LDLRAD1: variants seen among roughly 807,000 people sequenced by gnomAD.
The protein encoded by LDLRAD1 is low-density lipoprotein receptor class A domain-containing protein 1.
A neutral mutation model predicts 24.8 loss-of-function variants in LDLRAD1; 17 were observed. The observed-to-expected ratio is 0.69, with a 90% CI of 0.47 to 1.03. LDLRAD1 has a LOEUF of 1.03. Among genes scored for constraint, LDLRAD1 ranks in the 50% least tolerant of loss-of-function variants. The pLI, the probability that LDLRAD1 is intolerant of heterozygous loss-of-function variation, is 0.00. For synonymous variants in LDLRAD1, 103 were observed against 108.2 expected, an observed-to-expected ratio of 0.95 and a Z score of 0.30; for missense variants, 277 against 271.0, an observed-to-expected ratio of 1.02 and a Z score of -0.16.
chr1:54,018,004 TACCTGGGGACAGCTCTC>T (rs1009383362), intron 1 of LDLRAD1, 71 bp downstream of exon 1: 10 of 1,217,454 alleles, frequency 8.2e-6, no homozygotes, highest in Non-Finnish European at 1.1e-5. Context: ...AGACAACTCT[TACCTGGGGACAGCTCTC>T]ACCTGGGGAC....
chr1:54,017,363 T>C lies in LDLRAD1; in HGVS notation c.73+13A>G. ...CCCACAGGGCACTGGCCCCAGGCCC[T>C]CCAGTTCTTTACCTTCCCCTCCAGG... On this transcript the variant is annotated intron_variant, in intron 2 of 5. Coordinates refer to ENST00000371360, the MANE Select transcript of LDLRAD1 (RefSeq NM_001010978.4). 3 of 1,593,470 alleles carry C rather than the reference T, an allele frequency of 1.9e-6. No homozygotes were observed. Among genetic ancestry groups the C allele is most frequent in the Non-Finnish European group, 2.6e-6 (3 of 1,168,768 alleles).
At chr1:54,009,420 T>A (rs1283194428) in intron 5 of LDLRAD1, among the ~76,000 whole-genome samples, 5 of 152,134 alleles carry the variant, frequency 3.3e-5, no homozygotes, top group Non-Finnish European at 5.9e-5. Context: ...GACTGCAATA[T>A]GAATGGGTGC....
chr1:54,014,372 G>T lies in LDLRAD1; in HGVS notation c.74-8C>A, dbSNP rs1031915450. 2.1e-5 allele frequency: 33 copies of T among 1,540,418 alleles called. No homozygotes were observed. In the African/African-American group the frequency reaches 2.2e-4, roughly 10 times the overall value. On this transcript the variant is annotated splice_region_variant and splice_polypyrimidine_tract_variant and intron_variant, in intron 2 of 5. Transcript: ENST00000371360. ...AGAGGTGGCCGCCGCCTGCTGTGTGGGGGGGAAACAAGCCCGGGGGTGGTG... is the reference window on the plus strand; with the variant it reads ...AGAGGTGGCCGCCGCCTGCTGTGTGTGGGGGAAACAAGCCCGGGGGTGGTG...
In LDLRAD1 at chr1:54,013,128, G is replaced by A. The variant is rs574323941; in HGVS notation, c.203-848C>T. ...GACACACACAGATGCACACACACAT[G>A]AACACATGCTCACACACACACTGCT... On this transcript the variant is annotated intron_variant, in intron 3 of 5. Coordinates refer to ENST00000371360, the MANE Select transcript of LDLRAD1 (RefSeq NM_001010978.4). 2.0e-5 allele frequency among the ~76,000 whole-genome samples: 3 copies of A among 152,138 alleles called. No individual in the cohort carries two copies. In the South Asian group the frequency reaches 6.2e-4, roughly 32 times the overall value.
intron 2 of LDLRAD1, among the ~76,000 whole-genome samples, chr1:54,016,953 G>T (rs937240696): frequency 6.6e-5 from 10 of 152,200 alleles, no homozygotes; most frequent in Admixed American, 4.6e-4. Flanking sequence ...ATTTTCAGAA[G>T]GGTAAAGAGG....
At chr1:54,014,495 T>A in intron 2 of LDLRAD1, 131 bp from the exon 3 acceptor site, 1 of 861,728 alleles carries the variant, frequency 1.2e-6, no homozygotes, top group Non-Finnish European at 1.8e-6. Flanking sequence ...CAGGGATGGC[T>A]TCCCTGGAGG....
intron 5 of LDLRAD1, among the ~76,000 whole-genome samples, chr1:54,009,663 G>C (rs1655965094): frequency 6.6e-6 from 1 of 152,164 alleles, no homozygotes; most frequent in Non-Finnish European, 1.5e-5. Context: ...GAGTCCTGGG[G>C]GTAGGACACA....
In LDLRAD1 at chr1:54,008,557, AT is replaced by A. The variant is rs539546345; in HGVS notation, c.*424del. On this transcript the variant is annotated 3_prime_UTR_variant, in exon 6 of 6. Coordinates refer to ENST00000371360, the MANE Select transcript of LDLRAD1 (RefSeq NM_001010978.4). ...TTTGTTTGTGTTTGTGTTTTGTTTC[AT>A]TTTTTTTTTGAGACAGGGTCTCACT... 76 of 152,604 alleles carry A rather than the reference AT, an allele frequency of 5.0e-4. No individual in the cohort carries two copies. Among genetic ancestry groups the A allele is most frequent in the Middle Eastern group, 3.1e-3 (1 of 326 alleles). The allele number at this position is 152,604 out of a possible 1,614,324, so 9.5% of individuals were successfully genotyped here.
intron 4 of LDLRAD1, among the ~76,000 whole-genome samples, chr1:54,011,219 T>C (rs2100247641): frequency 1.3e-5 from 2 of 152,230 alleles, no homozygotes; most frequent in Middle Eastern, 6.8e-3. Flanking sequence ...TTCAAATCCA[T>C]GCAGCACCAC....
At chr1:54,010,580 G>T (rs185597274) in intron 4 of LDLRAD1, among the ~76,000 whole-genome samples, 170 bp from the exon 5 acceptor site, 26 of 152,076 alleles carry the variant, frequency 1.7e-4, no homozygotes, top group Admixed American at 3.3e-4. Flanking sequence ...GGAGTCAGAG[G>T]GAGAGGAGAG....
intron 3 of LDLRAD1, 92 bp from the exon 4 acceptor site, chr1:54,012,372 G>A: frequency 7.1e-7 from 1 of 1,411,530 alleles, no homozygotes; most frequent in Non-Finnish European, 9.9e-7. Flanking sequence ...GCTGGCCTGA[G>A]GGGCTGGGGC....
intron 1 of LDLRAD1, 125 bp from the exon 2 acceptor site, chr1:54,017,552 AC>A: frequency 1.3e-6 from 1 of 758,944 alleles, no homozygotes; most frequent in Non-Finnish European, 2.3e-6. Flanking sequence ...GGTCCGTCAC[AC>A]CCCAGCATCT....
chr1:54,009,174 G>A (rs747212424), intron 5 of LDLRAD1, 44 bp from the exon 6 acceptor site: 7 of 1,600,088 alleles, frequency 4.4e-6, no homozygotes, highest in African/African-American at 1.3e-5. Context: ...CTGTGTCCTG[G>A]AACGCTCTGT....
rs748360003 is a variant in LDLRAD1 at position 54,018,152 on chromosome 1, A to G, written c.-40T>C. 2 of 1,612,612 alleles carry G rather than the reference A, an allele frequency of 1.2e-6. No homozygotes were observed. The highest frequency in any genetic ancestry group is 2.7e-5 in the African/African-American group (2 of 74,892). On this transcript the variant is annotated 5_prime_UTR_variant, in exon 1 of 6. Transcript: ENST00000371360. ...GCTGCCCGACTGGGGCTGTGTGCAG[A>G]GAGCTCAGCACGGGTTCCCTGCATT...
intron 2 of LDLRAD1, 126 bp downstream of exon 2, chr1:54,017,250 C>T (rs1341427835): frequency 1.2e-5 from 9 of 735,886 alleles, no homozygotes; most frequent in Middle Eastern, 3.8e-4. Flanking sequence ...GAGCAGACAA[C>T]GTTAACATGG....
chr1:54,009,255 G>A (rs1251337464), intron 5 of LDLRAD1, 125 bp from the exon 6 acceptor site: 2 of 843,712 alleles, frequency 2.4e-6, no homozygotes, highest in South Asian at 3.2e-5. Flanking sequence ...GACGTGAGTT[G>A]AGTGTGTTCC....
intron 3 of LDLRAD1, among the ~76,000 whole-genome samples, chr1:54,013,178 A>G (rs1327127985): frequency 1.3e-5 from 2 of 152,138 alleles, no homozygotes; most frequent in African/African-American, 4.8e-5. Context: ...ACTCACAGAT[A>G]CACAGACAAC....
At chr1:54,009,577 GA>G (rs1333081627) in intron 5 of LDLRAD1, among the ~76,000 whole-genome samples, 2 of 152,112 alleles carry the variant, frequency 1.3e-5, no homozygotes, top group African/African-American at 4.8e-5. Context: ...TGGTCTTCTT[GA>G]ATGCTACCTC....
intron 2 of LDLRAD1, among the ~76,000 whole-genome samples, chr1:54,016,130 A>G (rs1008944224): frequency 6.6e-6 from 1 of 152,146 alleles, no homozygotes; most frequent in Admixed American, 6.5e-5. Context: ...AAGAGAGGGC[A>G]TTCCAGGCAG....
Sources: allele counts gnomAD v4.1 joint callset (sites outside exome capture counted in the v4.1 genomes callset), GRCh38; gene constraint gnomAD v4.1.1; transcripts MANE v1.5; gene names NCBI Gene and HGNC (gene_info 2026-07-23, HGNC 2026-07-21).